Variants in FRMD4A observed in about 807,000 individuals in gnomAD.
FRMD4A encodes FERM domain-containing protein 4A.
In FRMD4A, 29 loss-of-function variants were observed where a neutral mutation model predicts 129.1. That is an observed-to-expected ratio of 0.22 (90% CI 0.17 to 0.31). The LOEUF is 0.31. Ranked by LOEUF, FRMD4A falls within the 10% of genes least tolerant of loss-of-function variation. The pLI is 1.00. For synonymous variants in FRMD4A, 634 were observed against 571.6 expected (o/e 1.11, Z -1.56); for missense variants, 1,272 against 1,375.8 (o/e 0.92, Z 1.19).
At chr10:13,777,791 A>ATTTTTTTTTTTTTTT (rs34059772) in intron 6 of FRMD4A, among the ~76,000 whole-genome samples, 2 of 85,984 alleles carry the variant, frequency 2.3e-5, no homozygotes, top group Admixed American at 3.4e-4. Context: ...CTTTGGGTCA[A>ATTTTTTTTTTTTTTT]TTTTTTTTTT....
At chr10:13,759,146 G>C (rs1267806655) in intron 8 of FRMD4A, among the ~76,000 whole-genome samples, 1 of 152,186 alleles carries the variant, frequency 6.6e-6, no homozygotes, top group Non-Finnish European at 1.5e-5. Context: ...GTAGGTTTTA[G>C]GCTGTGAGAT....
At chr10:13,682,001 C>T (rs1000593903) in intron 15 of FRMD4A, among the ~76,000 whole-genome samples, 2 of 152,082 alleles carry the variant, frequency 1.3e-5, no homozygotes, top group Admixed American at 1.3e-4. Flanking sequence ...GGGAGGACTG[C>T]TTGAGGCCAA....
intron 2 of FRMD4A, among the ~76,000 whole-genome samples, chr10:13,961,358 C>T (rs1344001199): frequency 1.3e-5 from 2 of 152,188 alleles, no homozygotes; most frequent in African/African-American, 4.8e-5. Flanking sequence ...CCATCTGAGG[C>T]TGGGCGGTGA....
intron 2 of FRMD4A, among the ~76,000 whole-genome samples, chr10:14,228,973 T>A (rs116929158): frequency 6.6e-6 from 1 of 152,312 alleles, no homozygotes; most frequent in Non-Finnish European, 1.5e-5. Context: ...GACAGTAGCA[T>A]TAAAATATGC....
intron 2 of FRMD4A, among the ~76,000 whole-genome samples, chr10:13,898,496 T>C (rs977704245): frequency 5.3e-5 from 8 of 152,200 alleles, no homozygotes; most frequent in Non-Finnish European, 8.8e-5. Flanking sequence ...TCAAATTTAA[T>C]TGGGTTTAGA....
chr10:13,747,629 C>A, intron 9 of FRMD4A, 107 bp downstream of exon 9: 1 of 645,734 alleles, frequency 1.5e-6, no homozygotes, highest in East Asian at 2.6e-5. Context: ...AGCTGCAAGT[C>A]CAGGCTGGCA....
chr10:13,897,635 T>C (rs1413921478), intron 2 of FRMD4A, among the ~76,000 whole-genome samples: 2 of 152,124 alleles, frequency 1.3e-5, no homozygotes, highest in African/African-American at 2.4e-5. Flanking sequence ...GTCTTAGAAT[T>C]AAACATTATA....
intron 2 of FRMD4A, among the ~76,000 whole-genome samples, chr10:14,184,118 T>C (rs557568553): frequency 8.8e-6 from 1 of 113,572 alleles, no homozygotes; most frequent in Admixed American, 1.2e-4. Context: ...TGTTTTTCTT[T>C]TCTTTTCTTT....
At chr10:14,265,855 C>A (rs551176462) in intron 2 of FRMD4A, among the ~76,000 whole-genome samples, 83 of 152,310 alleles carry the variant, frequency 5.4e-4, no homozygotes, top group African/African-American at 1.9e-3. Context: ...GGAGAGGGAA[C>A]CATTTATCAT....
intron 15 of FRMD4A, among the ~76,000 whole-genome samples, chr10:13,688,199 G>A (rs956105137): frequency 6.6e-6 from 1 of 152,146 alleles, no homozygotes; most frequent in Non-Finnish European, 1.5e-5. Flanking sequence ...ATACACCATG[G>A]AATACTATGC....
chr10:14,147,252 C>A (rs1257506803), intron 2 of FRMD4A, among the ~76,000 whole-genome samples: 1 of 151,928 alleles, frequency 6.6e-6, no homozygotes. Flanking sequence ...CAGAGCCAAC[C>A]CTGATGGTCA....
At chr10:13,778,257 T>C (rs2092649085) in intron 6 of FRMD4A, among the ~76,000 whole-genome samples, 1 of 152,202 alleles carries the variant, frequency 6.6e-6, no homozygotes, top group African/African-American at 2.4e-5. Context: ...CCTGATACTC[T>C]TACAATCTGT....
Position 13,643,823 on chromosome 10 carries a change from A to G in FRMD4A, c.*3215T>C, listed in dbSNP as rs149021632. The G allele has an allele frequency of 6.5e-6, 1 of 152,806 alleles. No homozygotes were observed. The highest frequency in any genetic ancestry group is 1.9e-4 in the East Asian group (1 of 5,196). The allele number at this position is 152,806 out of a possible 1,614,324, so 9.5% of individuals were successfully genotyped here. ...AATTAAAAGCAGATTTCTTTTTTTA[A>G]TTCTGCAACTTTGTCTACAACGTAC... On this transcript the variant is annotated 3_prime_UTR_variant, in exon 25 of 25. Transcript: ENST00000357447.
intron 2 of FRMD4A, among the ~76,000 whole-genome samples, chr10:14,131,426 T>A (rs1351552202): frequency 1.4e-5 from 2 of 147,892 alleles, no homozygotes; most frequent in African/African-American, 2.5e-5. Flanking sequence ...TGTCTCTAGG[T>A]GCTGAGTCAC....
At chr10:13,853,545 G>C (rs988939627) in intron 3 of FRMD4A, among the ~76,000 whole-genome samples, 3 of 151,934 alleles carry the variant, frequency 2.0e-5, no homozygotes, top group Admixed American at 6.6e-5. Flanking sequence ...TGAAAAAAAA[G>C]TGGGGGCCAG....
intron 14 of FRMD4A, among the ~76,000 whole-genome samples, chr10:13,697,604 C>A (rs2134851698): frequency 6.6e-6 from 1 of 152,132 alleles, no homozygotes; most frequent in African/African-American, 2.4e-5. Flanking sequence ...ACATTTTGGT[C>A]TGGGAGTCTT....
rs559038290 is a variant in FRMD4A at position 13,653,927 on chromosome 10, T to A, written c.3050+489A>T. 5 of 187,390 alleles carry A rather than the reference T, an allele frequency of 2.7e-5. No homozygotes were observed. In the East Asian group the frequency reaches 7.1e-4, roughly 27 times the overall value. The allele number at this position is 187,390 out of a possible 1,614,324, so 11.6% of individuals were successfully genotyped here. On this transcript the variant is annotated intron_variant, in intron 23 of 24. Transcript: ENST00000357447. ...GAAGGCTTCAGGGCACCTGATCTCT[T>A]TTGTGTGTTGAGAAAGAGCAAGTGC...
intron 2 of FRMD4A, among the ~76,000 whole-genome samples, chr10:14,174,833 T>G (rs1841646776): frequency 6.6e-6 from 1 of 151,234 alleles, no homozygotes; most frequent in African/African-American, 2.4e-5. Flanking sequence ...ATTTATGGAC[T>G]CTGATCCTGA....
At chr10:13,683,371 T>C (rs1326212) in intron 15 of FRMD4A, among the ~76,000 whole-genome samples, 108,957 of 151,322 alleles carry the variant, frequency 0.72, 40,218 homozygotes, top group African/African-American at 0.81. Context: ...GATTGCTTAA[T>C]GCCAGGAGTT....
Sources: allele counts gnomAD v4.1 joint callset (sites outside exome capture counted in the v4.1 genomes callset), GRCh38; gene constraint gnomAD v4.1.1; transcripts MANE v1.5; gene names NCBI Gene and HGNC (gene_info 2026-07-23, HGNC 2026-07-21).